The following CPED1 variants were observed in gnomAD, a reference collection of about 807,000 sequenced individuals.
The protein encoded by CPED1 is cadherin like and PC-esterase domain containing 1.
In CPED1, 114 loss-of-function variants were observed where a neutral mutation model predicts 128.2. That is an observed-to-expected ratio of 0.89 (90% CI 0.76 to 1.04). The LOEUF is 1.04. CPED1 is among the 50% of genes least tolerant of loss of function. The pLI is 0.00. For synonymous variants in CPED1, 462 were observed against 426.7 expected (o/e 1.08, Z -1.02); for missense variants, 1,211 against 1,207.1 (o/e 1.00, Z -0.05).
intron 22 of CPED1, among the ~76,000 whole-genome samples, chr7:121,284,630 C>T (rs1200815842): frequency 6.6e-6 from 1 of 152,136 alleles, no homozygotes; most frequent in Admixed American, 6.5e-5. Context: ...GGCTAGAGGC[C>T]CCATTCAAAC....
At chr7:121,279,215 C>T in intron 22 of CPED1, among the ~76,000 whole-genome samples, 1 of 151,844 alleles carries the variant, frequency 6.6e-6, no homozygotes, top group South Asian at 2.1e-4. Flanking sequence ...TAGTGTGACC[C>T]AGTTTTTCCC....
At chr7:121,279,467 A>G (rs1792405026) in intron 22 of CPED1, among the ~76,000 whole-genome samples, 1 of 121,028 alleles carries the variant, frequency 8.3e-6, no homozygotes, top group South Asian at 2.6e-4. Flanking sequence ...CCACAAAGAA[A>G]AAACAGAATA....
rs1186676908 is a variant in CPED1 at position 121,078,481 on chromosome 7, GGAAA to G, written c.616+14185_616+14188del. ...CTGGGTAACATGAGATCCTGTCTCT[GGAAA>G]GAAAGAAAGAAAGAAAAAAAAAAAA... On this transcript the variant is annotated intron_variant, in intron 5 of 22. Coordinates refer to ENST00000310396, the MANE Select transcript of CPED1 (RefSeq NM_024913.5). 5.7e-3 allele frequency among the ~76,000 whole-genome samples: 525 copies of G among 92,722 alleles called. 9 individuals carry two copies. Among genetic ancestry groups the G allele is most frequent in the Middle Eastern group, 0.015 (2 of 132 alleles). The allele number at this position is 92,722 out of a possible 152,430, so 60.8% of individuals were successfully genotyped here. A position where few individuals can be genotyped will look rare whatever the true frequency, so the allele number is the denominator to read the frequency against.
At chr7:121,250,523 G>A (rs1798645692) in intron 18 of CPED1, among the ~76,000 whole-genome samples, 1 of 152,126 alleles carries the variant, frequency 6.6e-6, no homozygotes, top group Admixed American at 6.5e-5. Context: ...AAAAATCAGT[G>A]AATCCAGGAG....
chr7:121,006,769 T>C (rs1323995321), intron 2 of CPED1, among the ~76,000 whole-genome samples: 1 of 152,194 alleles, frequency 6.6e-6, no homozygotes, highest in African/African-American at 2.4e-5. Context: ...GTTGGATCTG[T>C]GTTATGTCTG....
intron 16 of CPED1, among the ~76,000 whole-genome samples, chr7:121,200,257 T>C (rs1030716641): frequency 6.6e-6 from 1 of 152,062 alleles, no homozygotes; most frequent in Non-Finnish European, 1.5e-5. Flanking sequence ...TAAAAAGTGG[T>C]GTGCAAGGAT....
chr7:121,235,160 C>T (rs1798223354), intron 16 of CPED1, among the ~76,000 whole-genome samples: 1 of 152,016 alleles, frequency 6.6e-6, no homozygotes, highest in Admixed American at 6.6e-5. Flanking sequence ...ATCCAGTCTC[C>T]ACTAAAAATA....
At chr7:121,183,959 G>A (rs982058603) in intron 16 of CPED1, among the ~76,000 whole-genome samples, 3 of 152,012 alleles carry the variant, frequency 2.0e-5, no homozygotes, top group Admixed American at 1.3e-4. Flanking sequence ...GGCCAACATA[G>A]TGAAACCCTG....
intron 18 of CPED1, among the ~76,000 whole-genome samples, chr7:121,255,859 G>A (rs1486005488): frequency 6.6e-6 from 1 of 151,838 alleles, no homozygotes; most frequent in Non-Finnish European, 1.5e-5. Flanking sequence ...GCAAGGTGGT[G>A]AAAGATCTCT....
chr7:121,170,305 T>G (rs2116465114), intron 16 of CPED1, among the ~76,000 whole-genome samples: 1 of 152,330 alleles, frequency 6.6e-6, no homozygotes, highest in South Asian at 2.1e-4. Flanking sequence ...GCAGGTTGCC[T>G]GTACCTCTCT....
chr7:121,168,094 C>T (rs931085227), intron 16 of CPED1, among the ~76,000 whole-genome samples: 2 of 152,094 alleles, frequency 1.3e-5, no homozygotes, highest in Admixed American at 6.5e-5. Flanking sequence ...CCTTGTTGGG[C>T]GCAGCTTCTC....
intron 16 of CPED1, among the ~76,000 whole-genome samples, chr7:121,192,279 C>A (rs912480475): frequency 6.6e-5 from 10 of 152,146 alleles, no homozygotes; most frequent in African/African-American, 2.4e-4. Context: ...CTACAAAATT[C>A]AAAACTTTTT....
Position 121,044,650 on chromosome 7 carries a change from C to CTTT in CPED1, c.434-2220_434-2218dup, listed in dbSNP as rs58884492. ...TTGCTGAGAGCAGTGACTTTCTGCT[C>CTTT]TTTTTTTTTTTTTTTTTTTGCTATT... On this transcript the variant is annotated intron_variant, in intron 3 of 22. Transcript: ENST00000310396. 1.2e-3 allele frequency among the ~76,000 whole-genome samples: 130 copies of CTTT among 106,036 alleles called. 2 individuals carry two copies. The highest frequency in any genetic ancestry group is 6.4e-3 in the Middle Eastern group (1 of 156). The allele number at this position is 106,036 out of a possible 152,430, so 69.6% of individuals were successfully genotyped here. A position where few individuals can be genotyped will look rare whatever the true frequency, so the allele number is the denominator to read the frequency against.
chr7:121,061,561 G>A (rs1453912180), intron 4 of CPED1, among the ~76,000 whole-genome samples: 2 of 152,254 alleles, frequency 1.3e-5, no homozygotes, highest in Non-Finnish European at 1.5e-5. Context: ...GTTGGGGCAG[G>A]GAGTATATGG....
intron 5 of CPED1, among the ~76,000 whole-genome samples, chr7:121,080,871 A>C (rs776784654): frequency 1.2e-4 from 18 of 152,092 alleles, no homozygotes; most frequent in Non-Finnish European, 2.2e-4. Flanking sequence ...AGAAACTTAC[A>C]AGTGTTATAA....
chr7:121,055,800 C>A (rs1015799736), intron 4 of CPED1, among the ~76,000 whole-genome samples: 6 of 151,726 alleles, frequency 4.0e-5, no homozygotes, highest in Admixed American at 3.9e-4. Context: ...GTTTTGGAAA[C>A]TGTTAGAAAA....
At chr7:121,268,646 GCACA>G (rs10587644) in intron 21 of CPED1, among the ~76,000 whole-genome samples, 33 of 151,460 alleles carry the variant, frequency 2.2e-4, no homozygotes, top group African/African-American at 5.8e-4. Context: ...ACAAGTGTGT[GCACA>G]CACACACACA....
At chr7:121,111,602 C>T (rs1258335180) in intron 7 of CPED1, among the ~76,000 whole-genome samples, 1 of 152,076 alleles carries the variant, frequency 6.6e-6, no homozygotes, top group African/African-American at 2.4e-5. Flanking sequence ...AAAAAGGGTT[C>T]AATCTATTCA....
chr7:121,133,701 C>T (rs1346421091), intron 12 of CPED1, 122 bp from the exon 13 acceptor site: 15 of 620,854 alleles, frequency 2.4e-5, no homozygotes, highest in South Asian at 7.4e-5. Context: ...ATGCAGAAAG[C>T]GTTTTTTTGT....
Sources: allele counts gnomAD v4.1 joint callset (sites outside exome capture counted in the v4.1 genomes callset), GRCh38; gene constraint gnomAD v4.1.1; transcripts MANE v1.5; gene names NCBI Gene and HGNC (gene_info 2026-07-23, HGNC 2026-07-21).